The following RNFT2 variants were observed in gnomAD, a reference collection of about 807,000 sequenced individuals.
RNFT2 encodes the protein ring finger protein, transmembrane 2.
In RNFT2, 36 loss-of-function variants were observed where a neutral mutation model predicts 53.0. The observed-to-expected ratio is 0.68, with a 90% CI of 0.52 to 0.90. The LOEUF is 0.90. Ranked by LOEUF, RNFT2 falls within the 40% of genes least tolerant of loss-of-function variation. RNFT2 has a pLI of 0.00. For missense variants in RNFT2, 514 were observed against 585.6 expected, an observed-to-expected ratio of 0.88 and a Z score of 1.26; for synonymous variants, 260 against 253.2, an observed-to-expected ratio of 1.03 and a Z score of -0.26.
chr12:116,743,903 C>T (rs10850707), intron 3 of RNFT2, among the ~76,000 whole-genome samples: 115,615 of 152,034 alleles, frequency 0.76, 44,218 homozygotes, highest in East Asian at 0.99. Flanking sequence ...TCAGCTTCTC[C>T]ATCCAAAAAT....
intron 7 of RNFT2, among the ~76,000 whole-genome samples, chr12:116,808,063 A>C (rs1055142874): frequency 2.0e-5 from 3 of 152,116 alleles, no homozygotes; most frequent in African/African-American, 7.2e-5. Context: ...TCCCAGGTTC[A>C]AGTCGTTCTC....
At chr12:116,750,864 TATATATA>T in intron 4 of RNFT2, among the ~76,000 whole-genome samples, 1 of 2,780 alleles carries the variant, frequency 3.6e-4, no homozygotes, top group African/African-American at 1.1e-3. Context: ...ATATATTATA[TATATATA>T]ATATATATAT....
At chr12:116,839,732 A>G (rs1279009074) in intron 10 of RNFT2, among the ~76,000 whole-genome samples, 2 of 108,264 alleles carry the variant, frequency 1.8e-5, no homozygotes, top group Admixed American at 1.2e-4. Context: ...GTGGGTATAT[A>G]GATGGGTGGG....
At chr12:116,791,712 G>C (rs1874239000) in intron 7 of RNFT2, among the ~76,000 whole-genome samples, 1 of 152,146 alleles carries the variant, frequency 6.6e-6, no homozygotes, top group African/African-American at 2.4e-5. Context: ...TTTGCTTTTT[G>C]GCTATTGTGA....
At chr12:116,814,797 G>A (rs553454573) in intron 7 of RNFT2, among the ~76,000 whole-genome samples, 2 of 152,088 alleles carry the variant, frequency 1.3e-5, no homozygotes, top group Middle Eastern at 3.4e-3. Flanking sequence ...TCATGCTTCA[G>A]CCTCCCGAGT....
intron 7 of RNFT2, among the ~76,000 whole-genome samples, chr12:116,798,036 C>T (rs1349848539): frequency 6.6e-6 from 1 of 152,116 alleles, no homozygotes; most frequent in African/African-American, 2.4e-5. Context: ...TATCTGAGCC[C>T]CATCTCTGGA....
At position 116,853,365 on chromosome 12, in the gene RNFT2, A is replaced by T. The variant is rs2137235572; in HGVS notation, c.*3917A>T. 2.5e-6 allele frequency: 1 copy of T among 395,102 alleles called. No individual in the cohort carries two copies. The highest frequency in any genetic ancestry group is 6.4e-4 in the Middle Eastern group (1 of 1,566). 24.5% of individuals were successfully genotyped at this position (395,102 alleles called of 1,614,324 possible). A position where few individuals can be genotyped will look rare whatever the true frequency, so the allele number is the denominator to read the frequency against. On this transcript the variant is annotated 3_prime_UTR_variant, in exon 11 of 11. Transcript: ENST00000257575. ...AGAAATGGACCTCTTCATGTAAAAT[A>T]TCTTGAGAATAATAAATGTGAGGGA...
chr12:116,751,666 G>A (rs1162412765), intron 4 of RNFT2, among the ~76,000 whole-genome samples: 1 of 152,142 alleles, frequency 6.6e-6, no homozygotes, highest in African/African-American at 2.4e-5. Context: ...CTCCCAAAGT[G>A]CTGGGATTAC....
rs111323331 is a variant in RNFT2 at position 116,761,020 on chromosome 12, G to A, written c.628-5794G>A. ...CAGCCTCCTAGGGAGGCCATTCTTC[G>A]GTCTATCACCCCTGGGTAGATCCCT... On this transcript the variant is annotated intron_variant, in intron 5 of 10. Transcript: ENST00000257575. Among the ~76,000 whole-genome samples, 1,163 of 152,038 alleles carry A rather than the reference G, an allele frequency of 7.6e-3. 13 individuals are homozygous for A. Among genetic ancestry groups the A allele is most frequent in the African/African-American group, 0.026 (1,089 of 41,450 alleles).
chr12:116,836,202 G>C lies in RNFT2; in HGVS notation c.1120G>C (p.Gly374Arg). 1 of 1,595,442 alleles carries C rather than the reference G, an allele frequency of 6.3e-7. No homozygotes were observed. The highest frequency in any genetic ancestry group is 8.5e-7 in the Non-Finnish European group (1 of 1,171,038). Residue 374 changes from glycine (G) to arginine (R), a missense_variant, in exon 10 of 11, where the codon GGG becomes CGG. Physicochemically the swap from Gly to Arg is moderately radical, Grantham distance 125 (BLOSUM62 -2). Around this residue, in one of 3 missense-constraint regions of RNFT2, gnomAD observed 273 missense variants for 334.4 expected, o/e 0.82. Transcript: ENST00000257575. ...AAAGAACTATGGAGTCCGAGCCACC[G>C]GGCAGCAGTGCACAGAAGCTGGTGA... ...TSQNYGVRAT[G>R]QQCTEAGDIC...
intron 7 of RNFT2, among the ~76,000 whole-genome samples, chr12:116,795,564 GT>G (rs1344347901): frequency 5.9e-5 from 9 of 152,152 alleles, no homozygotes. Flanking sequence ...CACCAACCAC[GT>G]TTCAAGGGCT....
intron 7 of RNFT2, among the ~76,000 whole-genome samples, chr12:116,780,541 AC>A (rs1873649629): frequency 6.6e-6 from 1 of 151,720 alleles, no homozygotes; most frequent in African/African-American, 2.4e-5. Flanking sequence ...ACAGTCTAGT[AC>A]CAGTCTTCAG....
At chr12:116,805,093 C>T (rs897338152) in intron 7 of RNFT2, among the ~76,000 whole-genome samples, 1 of 149,934 alleles carries the variant, frequency 6.7e-6, no homozygotes, top group Non-Finnish European at 1.5e-5. Context: ...ACTAGAGACA[C>T]ATTATCAAGA....
Position 116,749,865 on chromosome 12 carries a change from C to A in RNFT2, c.108C>A (p.Ser36=). 1 of 1,584,430 alleles carries A rather than the reference C, an allele frequency of 6.3e-7. No homozygotes were observed. Among genetic ancestry groups the A allele is most frequent in the Non-Finnish European group, 8.6e-7 (1 of 1,165,136 alleles). ...PERNRSQALS[S]EASVDEGGVF... Reference sequence around the variant, plus strand: ...GAAACCGCAGCCAGGCGCTCAGCTCCGAGGCGAGTGTGGATGAAGGTGGCG... The same window carrying A: ...GAAACCGCAGCCAGGCGCTCAGCTCAGAGGCGAGTGTGGATGAAGGTGGCG... The change falls in exon 4 of 11, where the codon TCC becomes TCA. Residue 36 remains serine (S), a synonymous_variant. Coordinates refer to ENST00000257575, the MANE Select transcript of RNFT2 (RefSeq NM_001382266.1).
chr12:116,814,730 G>C (rs930847165), intron 7 of RNFT2, among the ~76,000 whole-genome samples: 5 of 151,728 alleles, frequency 3.3e-5, no homozygotes, highest in African/African-American at 1.2e-4. Flanking sequence ...CTGCTGGAGT[G>C]TGCAGTGGTG....
intron 7 of RNFT2, among the ~76,000 whole-genome samples, chr12:116,795,707 C>A (rs1874470608): frequency 6.6e-6 from 1 of 152,058 alleles, no homozygotes; most frequent in Non-Finnish European, 1.5e-5. Context: ...GTACAGGTAG[C>A]AGATGGAGAA....
chr12:116,785,081 C>G (rs1873869258), intron 7 of RNFT2, among the ~76,000 whole-genome samples: 1 of 152,104 alleles, frequency 6.6e-6, no homozygotes, highest in Non-Finnish European at 1.5e-5. Flanking sequence ...TTGGTTCCCC[C>G]TCTGTTTCTT....
intron 4 of RNFT2, among the ~76,000 whole-genome samples, chr12:116,750,895 T>TA: frequency 7.2e-4 from 6 of 8,296 alleles, no homozygotes; most frequent in African/African-American, 2.2e-3. Flanking sequence ...ATATATAATA[T>TA]ATATATATAT....
At chr12:116,760,727 A>C (rs1872663117) in intron 5 of RNFT2, among the ~76,000 whole-genome samples, 1 of 152,066 alleles carries the variant, frequency 6.6e-6, no homozygotes, top group Non-Finnish European at 1.5e-5. Flanking sequence ...CGTTTCCTTC[A>C]GAGAGTCTGT....
Sources: gnomAD v4.1 joint callset for allele counts (sites outside exome capture counted in the v4.1 genomes callset) on GRCh38, gnomAD v4.1.1 for gene constraint, gnomAD v4.1.1 regional missense constraint, MANE v1.5 for transcripts, NCBI Gene and HGNC (gene_info 2026-07-23, HGNC 2026-07-21) for gene names.